Variants in LPAR1 observed in about 807,000 individuals in gnomAD.
LPAR1 encodes the protein LPA receptor 1.
LPAR1 carries 5 observed loss-of-function variants against 23.8 expected under a neutral mutation model. That is an observed-to-expected ratio of 0.21 (90% CI 0.11 to 0.44). LPAR1 has a LOEUF of 0.44. Among genes scored for constraint, LPAR1 ranks in the 20% least tolerant of loss-of-function variants. The pLI is 0.99. For missense variants in LPAR1, 311 were observed against 482.8 expected, an observed-to-expected ratio of 0.64 and a Z score of 3.33; for synonymous variants, 160 against 164.7, an observed-to-expected ratio of 0.97 and a Z score of 0.22.
At chr9:110,976,334 T>TAA (rs2096553294) in intron 2 of LPAR1, among the ~76,000 whole-genome samples, 2 of 36,924 alleles carry the variant, frequency 5.4e-5, no homozygotes. Flanking sequence ...CTACTAAAAA[T>TAA]ACAAAAAAAA....
At chr9:110,993,542 A>C (rs1197772530) in intron 2 of LPAR1, among the ~76,000 whole-genome samples, 1 of 152,108 alleles carries the variant, frequency 6.6e-6, no homozygotes, top group Non-Finnish European at 1.5e-5. Context: ...GTTTGTGTCA[A>C]AGCCTGAAAG....
intron 4 of LPAR1, among the ~76,000 whole-genome samples, chr9:110,964,167 T>A (rs965799460): frequency 6.6e-6 from 1 of 152,224 alleles, no homozygotes; most frequent in Non-Finnish European, 1.5e-5. Context: ...AATATTCTAG[T>A]TATAATTTCA....
At chr9:110,932,216 T>C (rs1270960493) in intron 5 of LPAR1, among the ~76,000 whole-genome samples, 1 of 152,150 alleles carries the variant, frequency 6.6e-6, no homozygotes, top group Non-Finnish European at 1.5e-5. Flanking sequence ...ATGTAGTCAT[T>C]CAGCAAATAT....
Position 110,941,534 on chromosome 9 carries a change from T to C in LPAR1, c.680A>G (p.His227Arg). 1 of 1,614,074 alleles carries C rather than the reference T, an allele frequency of 6.2e-7. No homozygotes were observed. The highest frequency in any genetic ancestry group is 8.5e-7 in the Non-Finnish European group (1 of 1,180,000). Reference sequence around the variant, plus strand: ...CCTCTGGCGAACATAGCCAAAGATGTGAGCATAGAGAACCACCATTACCAC... The same window carrying C: ...CCTCTGGCGAACATAGCCAAAGATGCGAGCATAGAGAACCACCATTACCAC... ...TFVVMVVLYA[H>R]IFGYVRQRTM... Residue 227 changes from histidine to arginine, a missense_variant, in exon 5 of 6, where the codon CAC (histidine) becomes CGC (arginine). Coordinates refer to ENST00000683809, the MANE Select transcript of LPAR1 (RefSeq NM_001351411.2). This position sits in a 1 kb window ranked among gnomAD's most constrained non-coding sequence, Gnocchi z 6.1.
chr9:110,903,882 CAAAAAAAA>C (rs61456167), intron 5 of LPAR1, among the ~76,000 whole-genome samples: 4 of 77,228 alleles, frequency 5.2e-5, no homozygotes, highest in Non-Finnish European at 9.5e-5. Context: ...AAGTGAATTG[CAAAAAAAA>C]AAAAAAAAAA....
At chr9:110,960,303 A>T (rs2095915528) in intron 4 of LPAR1, among the ~76,000 whole-genome samples, 1 of 152,212 alleles carries the variant, frequency 6.6e-6, no homozygotes, top group Non-Finnish European at 1.5e-5. Flanking sequence ...AAAATATCAC[A>T]TGTACCCTGT....
intron 4 of LPAR1, among the ~76,000 whole-genome samples, chr9:110,966,007 C>T (rs1258699607): frequency 1.3e-5 from 2 of 152,088 alleles, no homozygotes; most frequent in Non-Finnish European, 2.9e-5. Flanking sequence ...CCATCATTCT[C>T]AGCAAACTAA....
At chr9:111,027,471 A>T (rs1308836985) in intron 2 of LPAR1, among the ~76,000 whole-genome samples, 1 of 152,212 alleles carries the variant, frequency 6.6e-6, no homozygotes, top group Non-Finnish European at 1.5e-5. Flanking sequence ...ACTGAACTCC[A>T]GCCTGGGTGA....
intron 5 of LPAR1, among the ~76,000 whole-genome samples, chr9:110,898,165 A>G (rs2087153742): frequency 6.6e-6 from 1 of 152,230 alleles, no homozygotes; most frequent in Admixed American, 6.5e-5. Flanking sequence ...CCTTAAAACA[A>G]CACAATGCTT....
chr9:111,016,842 C>G (rs2097457081), intron 2 of LPAR1, among the ~76,000 whole-genome samples: 1 of 152,218 alleles, frequency 6.6e-6, no homozygotes. Flanking sequence ...TTGGCTCTTA[C>G]AGAATGGCTT....
intron 2 of LPAR1, among the ~76,000 whole-genome samples, chr9:111,002,180 T>C (rs891956337): frequency 2.0e-5 from 3 of 152,214 alleles, no homozygotes; most frequent in African/African-American, 7.2e-5. Context: ...AACACTTACA[T>C]GTTTCAGCTG....
At chr9:110,898,711 A>G (rs1330007085) in intron 5 of LPAR1, among the ~76,000 whole-genome samples, 1 of 152,222 alleles carries the variant, frequency 6.6e-6, no homozygotes, top group Admixed American at 6.5e-5. Context: ...CAAATTCCTC[A>G]TCTACAAAAT....
chr9:110,952,668 A>T (rs942594786), intron 4 of LPAR1, among the ~76,000 whole-genome samples: 10 of 152,098 alleles, frequency 6.6e-5, no homozygotes, highest in Non-Finnish European at 1.2e-4. Flanking sequence ...TGTGCTCTCC[A>T]ACCACCTGTC....
intron 2 of LPAR1, among the ~76,000 whole-genome samples, chr9:110,977,164 T>C (rs2096570261): frequency 6.6e-6 from 1 of 152,166 alleles, no homozygotes; most frequent in African/African-American, 2.4e-5. Context: ...GAGAATCCAC[T>C]AAACCCATAA....
At position 110,873,279 on chromosome 9, in the gene LPAR1, A is replaced by T. The variant is rs992140901; in HGVS notation, c.*2142T>A. 2 of 152,258 alleles carry T rather than the reference A, an allele frequency of 1.3e-5. No homozygotes were observed. The highest frequency in any genetic ancestry group is 2.9e-5 in the Non-Finnish European group (2 of 68,038). The allele number at this position is 152,258 out of a possible 1,614,324, so 9.4% of individuals were successfully genotyped here. Reference sequence around the variant, plus strand: ...ACCAAACGCTGATTGAAAATGATTTATTAAAGTCCAATTAGTATGCTTTTC... The same window carrying T: ...ACCAAACGCTGATTGAAAATGATTTTTTAAAGTCCAATTAGTATGCTTTTC... On this transcript the variant is annotated 3_prime_UTR_variant, in exon 6 of 6. Coordinates refer to ENST00000683809, the MANE Select transcript of LPAR1 (RefSeq NM_001351411.2).
At chr9:110,975,186 A>G (rs118148594) in intron 2 of LPAR1, among the ~76,000 whole-genome samples, 1,636 of 152,340 alleles carry the variant, frequency 0.011, 12 homozygotes, top group Admixed American at 0.019. Flanking sequence ...TAACCTTAAA[A>G]TATTTTCAAT....
At chr9:110,971,172 A>C (rs1285212505) in intron 4 of LPAR1, among the ~76,000 whole-genome samples, 1 of 152,138 alleles carries the variant, frequency 6.6e-6, no homozygotes, top group South Asian at 2.1e-4. Context: ...TGGCCAAAAA[A>C]TGATTGTCAC....
intron 2 of LPAR1, among the ~76,000 whole-genome samples, chr9:110,991,455 A>G: frequency 6.6e-6 from 1 of 152,326 alleles, no homozygotes; most frequent in East Asian, 1.9e-4. Context: ...ACACTTCTGT[A>G]ATCTATAACT....
chr9:110,931,953 C>T (rs2135721320), intron 5 of LPAR1, among the ~76,000 whole-genome samples: 1 of 152,122 alleles, frequency 6.6e-6, no homozygotes, highest in African/African-American at 2.4e-5. Flanking sequence ...AGTCAGGTAG[C>T]ATGATGCCTC....
Sources: allele counts gnomAD v4.1 joint callset (sites outside exome capture counted in the v4.1 genomes callset), GRCh38; gene constraint gnomAD v4.1.1; non-coding constraint Gnocchi (gnomAD v3.1); transcripts MANE v1.5; gene names NCBI Gene and HGNC (gene_info 2026-07-23, HGNC 2026-07-21).